Variants in RYR1 observed in about 807,000 individuals in gnomAD.
The protein encoded by RYR1 is ryanodine receptor 1, also known as central core disease of muscle.
A neutral mutation model predicts 583.5 loss-of-function variants in RYR1; 342 were observed. That is an observed-to-expected ratio of 0.59 (90% CI 0.54 to 0.64). The LOEUF (loss-of-function observed/expected upper bound fraction) is 0.64. Ranked by LOEUF, RYR1 falls within the 30% of genes least tolerant of loss-of-function variation. The pLI is 0.00. For missense variants in RYR1, 6,032 were observed against 6,917.2 expected (o/e 0.87, Z 4.54); for synonymous variants, 2,791 against 2,822.5 (o/e 0.99, Z 0.35).
rs763905757 is a variant in RYR1 at position 38,507,775 on chromosome 19, G to C, written c.8880G>C (p.Leu2960=). The C allele has an allele frequency of 2.0e-5, 32 of 1,613,934 alleles. No homozygotes were observed. The South Asian group carries it at 3.5e-4, about 18-fold the overall frequency. ...SIEKRFAFGF[L]QQLLRWMDIS... is the part of the protein sequence containing the mutation. ...AAAAGCGGTTTGCCTTTGGCTTCCT[G>C]CAGCAGCTGCTGCGCTGGATGGACA... The change falls in exon 58 of 106, where the codon CTG becomes CTC. Residue 2960 remains leucine (L), a synonymous_variant. Coordinates refer to ENST00000359596, the MANE Select transcript of RYR1 (RefSeq NM_000540.3).
At chr19:38,582,126 G>T (rs147021399) in intron 101 of RYR1, among the ~76,000 whole-genome samples, 3 of 152,026 alleles carry the variant, frequency 2.0e-5, no homozygotes, top group African/African-American at 7.3e-5. Context: ...TGCCTTGCAC[G>T]GTGGCTCATG....
In RYR1 at chr19:38,499,684, G is replaced by A; in HGVS notation, c.7077G>A (p.Arg2359=). 1 of 1,600,350 alleles carries A rather than the reference G, an allele frequency of 6.2e-7. No homozygotes were observed. Among genetic ancestry groups the A allele is most frequent in the Non-Finnish European group, 8.5e-7 (1 of 1,179,866 alleles). Residue 2359 remains arginine (R), a synonymous_variant, in exon 44 of 106, where the codon CGG becomes CGA. Transcript: ENST00000359596. This position sits in a 1 kb window ranked among gnomAD's most constrained non-coding sequence, Gnocchi z 7.3. ...ATGTGGTGGTGCGGCTGCTCATCCG[G>A]AAGCCTGAGTGCTTCGGACCCGCCC... The part of the protein sequence containing the change: ...NANVVVRLLI[R]KPECFGPALR...
rs1436729170 is a variant in RYR1 at position 38,448,384 on chromosome 19, A to T, written c.830A>T (p.Gln277Leu). 1 of 1,611,230 alleles carries T rather than the reference A, an allele frequency of 6.2e-7. No homozygotes were observed. Among genetic ancestry groups the T allele is most frequent in the Non-Finnish European group, 8.5e-7 (1 of 1,180,002 alleles). ...AGTGGGAGCCACCTGCGCTGGGGCC[A>T]GCCACTCCGAGTCCGGCATGTCACT... ...SWSGSHLRWG[Q>L]PLRVRHVTTG... The change falls in exon 10 of 106, where the codon CAG becomes CTG. Residue 277 changes from glutamine to leucine, a missense_variant. Coordinates refer to ENST00000359596, the MANE Select transcript of RYR1 (RefSeq NM_000540.3).
chr19:38,510,654 C>G lies in RYR1; in HGVS notation c.9001-6C>G. On this transcript the variant is annotated splice_polypyrimidine_tract_variant and splice_region_variant and intron_variant, in intron 59 of 105. Transcript: ENST00000359596. ...GGACCCTTTATCTCCCCCAACCCGTCTCCAGATCCTGCTCCCTTTGATCAA... is the reference window on the plus strand; with the variant it reads ...GGACCCTTTATCTCCCCCAACCCGTGTCCAGATCCTGCTCCCTTTGATCAA... The G allele has an allele frequency of 6.2e-7, 1 of 1,614,168 alleles. No homozygotes were observed. Among genetic ancestry groups the G allele is most frequent in the Non-Finnish European group, 8.5e-7 (1 of 1,180,030 alleles).
chr19:38,443,885 T>G (rs1225583845), intron 5 of RYR1, 89 bp downstream of exon 5: 27 of 1,231,688 alleles, frequency 2.2e-5, no homozygotes, highest in Non-Finnish European at 2.1e-5. Flanking sequence ...AAGGCAAGCA[T>G]GAGACTACCC....
At chr19:38,455,091 A>G (rs1967295010) in intron 13 of RYR1, 144 bp from the exon 14 acceptor site, 4 of 942,224 alleles carry the variant, frequency 4.2e-6, no homozygotes, top group Non-Finnish European at 5.0e-6. Flanking sequence ...ACTGATTGGG[A>G]ATATGAAACC....
chr19:38,434,714 C>T (rs1487543413), intron 1 of RYR1, among the ~76,000 whole-genome samples: 1 of 152,104 alleles, frequency 6.6e-6, no homozygotes, highest in Non-Finnish European at 1.5e-5. Flanking sequence ...GAGGGGCTGC[C>T]ATCTCCTTGT....
At chr19:38,577,638 A>G (rs1004337616) in intron 97 of RYR1, among the ~76,000 whole-genome samples, 3 of 152,102 alleles carry the variant, frequency 2.0e-5, no homozygotes, top group African/African-American at 7.2e-5. Flanking sequence ...CCCTACTAAA[A>G]ATACAAAATT....
intron 76 of RYR1, among the ~76,000 whole-genome samples, chr19:38,530,811 T>C (rs1424356084): frequency 1.4e-5 from 2 of 148,002 alleles, no homozygotes; most frequent in South Asian, 2.1e-4. Context: ...CTCTCTCTCT[T>C]TTTTTTTTGA....
Position 38,458,303 on chromosome 19 carries a change from C to G in RYR1, c.2167+11C>G. ...TGCATCTCTGGACAGGTACCTGACCCCTTCCAGGGGACCCTCACCCCTGAC... is the reference window on the plus strand; with the variant it reads ...TGCATCTCTGGACAGGTACCTGACCGCTTCCAGGGGACCCTCACCCCTGAC... On this transcript the variant is annotated intron_variant, in intron 18 of 105. Coordinates refer to ENST00000359596, the MANE Select transcript of RYR1 (RefSeq NM_000540.3). 5 of 1,612,346 alleles carry G rather than the reference C, an allele frequency of 3.1e-6. No individual in the cohort carries two copies. The highest frequency in any genetic ancestry group is 4.2e-6 in the Non-Finnish European group (5 of 1,178,824).
chr19:38,529,190 T>C (rs1340396354), intron 76 of RYR1, 133 bp downstream of exon 76: 1 of 892,964 alleles, frequency 1.1e-6, no homozygotes, highest in African/African-American at 1.7e-5. Context: ...TCTTTAAATA[T>C]CACTTTGCTG....
intron 93 of RYR1, 76 bp downstream of exon 93, chr19:38,567,993 C>T: frequency 2.0e-6 from 3 of 1,534,306 alleles, no homozygotes; most frequent in Non-Finnish European, 2.7e-6. Flanking sequence ...CTCCTGCTCA[C>T]CTTGTTCTTG....
intron 49 of RYR1, 38 bp downstream of exon 49, chr19:38,503,008 C>A: frequency 6.3e-7 from 1 of 1,592,736 alleles, no homozygotes. Flanking sequence ...ATTTCCAGGC[C>A]GCACCCACTG....
intron 11 of RYR1, among the ~76,000 whole-genome samples, chr19:38,450,374 T>G (rs1022557163): frequency 6.6e-6 from 1 of 151,982 alleles, no homozygotes; most frequent in South Asian, 2.1e-4. Flanking sequence ...CCCAAGCAAC[T>G]GGAAGGATGG....
At position 38,565,541 on chromosome 19, in the gene RYR1, G is replaced by T; in HGVS notation, c.13207G>T (p.Ala4403Ser). ...GCAGCCGGCCGGGCCGGGCGGAGAC[G>T]CAGACGGCGAGGGTGCCAGCGAGGG... ...GEQPAGPGGD[A>S]DGEGASEGAG... Residue 4403 changes from alanine (A) to serine (S), a missense_variant, in exon 91 of 106, where the codon GCA becomes TCA. By Grantham distance (99) the Ala-to-Ser change is moderately conservative (BLOSUM62 1). This residue lies in a region of RYR1 where 753 missense variants were observed against 759.6 expected (regional missense o/e 0.99). Coordinates refer to ENST00000359596, the MANE Select transcript of RYR1 (RefSeq NM_000540.3). This position sits in a 1 kb window ranked among gnomAD's most constrained non-coding sequence, Gnocchi z 4.7. The T allele has an allele frequency of 6.7e-7, 1 of 1,500,550 alleles. No homozygotes were observed. Among genetic ancestry groups the T allele is most frequent in the African/African-American group, 1.4e-5 (1 of 69,066 alleles). 93.0% of individuals were successfully genotyped at this position (1,500,550 alleles called of 1,614,324 possible).
intron 96 of RYR1, among the ~76,000 whole-genome samples, chr19:38,574,833 A>C (rs1973884096): frequency 6.6e-6 from 1 of 151,836 alleles, no homozygotes; most frequent in South Asian, 2.1e-4. Context: ...AGGTCAGGAG[A>C]TCCAGACCAT....
At chr19:38,575,884 T>A in intron 96 of RYR1, 35 bp from the exon 97 acceptor site, 1 of 1,612,982 alleles carries the variant, frequency 6.2e-7, no homozygotes, top group East Asian at 2.2e-5. Context: ...GGCCCTAACA[T>A]CTTATACTCA....
At chr19:38,485,311 C>T (rs933636129) in intron 33 of RYR1, among the ~76,000 whole-genome samples, 1 of 152,140 alleles carries the variant, frequency 6.6e-6, no homozygotes, top group African/African-American at 2.4e-5. Context: ...AGACCCAGCT[C>T]CACTGCCCTC....
intron 83 of RYR1, 94 bp downstream of exon 83, chr19:38,536,861 G>A (rs768005156): frequency 1.3e-5 from 18 of 1,370,776 alleles, no homozygotes; most frequent in South Asian, 2.3e-5. Flanking sequence ...GATCTGGGAC[G>A]TGGAGGGGAG....
Sources: gnomAD v4.1 joint callset for allele counts (sites outside exome capture counted in the v4.1 genomes callset) on GRCh38, gnomAD v4.1.1 for gene constraint, gnomAD v4.1.1 regional missense constraint, Gnocchi (gnomAD v3.1) non-coding constraint, MANE v1.5 for transcripts, NCBI Gene and HGNC (gene_info 2026-07-23, HGNC 2026-07-21) for gene names.